Variants in PIEZO2 observed in about 807,000 individuals in gnomAD.
PIEZO2 encodes piezo-type mechanosensitive ion channel component 2.
A neutral mutation model predicts 337.3 loss-of-function variants in PIEZO2; 172 were observed. The observed-to-expected ratio is 0.51, with a 90% CI of 0.45 to 0.58. PIEZO2 has a LOEUF of 0.58. Ranked by LOEUF, PIEZO2 falls within the 20% of genes least tolerant of loss-of-function variation. The pLI is 0.00. For missense variants in PIEZO2, 3,028 were observed against 3,391.3 expected, an observed-to-expected ratio of 0.89 and a Z score of 2.66; for synonymous variants, 1,251 against 1,228.5, an observed-to-expected ratio of 1.02 and a Z score of -0.38.
chr18:10,803,730 A>G (rs1197448597), intron 9 of PIEZO2, 145 bp downstream of exon 9: 15 of 990,244 alleles, frequency 1.5e-5, no homozygotes, highest in East Asian at 5.9e-5. Flanking sequence ...CCTCTCTGGT[A>G]CTAACTCTCC....
chr18:11,098,861 G>A (rs1443735209), intron 1 of PIEZO2, among the ~76,000 whole-genome samples: 1 of 151,784 alleles, frequency 6.6e-6, no homozygotes, highest in Non-Finnish European at 1.5e-5. Context: ...GCATTGGTGC[G>A]ATCACAGCTT....
At chr18:10,702,255 T>A (rs1235987856) in intron 42 of PIEZO2, 84 bp from the exon 43 acceptor site, 9 of 1,315,814 alleles carry the variant, frequency 6.8e-6, no homozygotes, top group Non-Finnish European at 9.2e-6. Flanking sequence ...AATATAACAA[T>A]TAAGAAAGAG....
Position 10,672,949 on chromosome 18 carries a change from G to T in PIEZO2, c.8162-76C>A. Reference sequence around the variant, plus strand: ...CATGCACAGCAACAGTTTTCAGATGGCAAAATCTGGTTACTAACTATAGCA... The same window carrying T: ...CATGCACAGCAACAGTTTTCAGATGTCAAAATCTGGTTACTAACTATAGCA... On this transcript the variant is annotated intron_variant, in intron 54 of 55. Transcript: ENST00000674853. This position sits in a 1 kb window ranked among gnomAD's most constrained non-coding sequence, Gnocchi z 4.7. The T allele has an allele frequency of 8.3e-7, 1 of 1,200,392 alleles. No homozygotes were observed. The highest frequency in any genetic ancestry group is 1.2e-6 in the Non-Finnish European group (1 of 841,218). 74.4% of individuals were successfully genotyped at this position (1,200,392 alleles called of 1,614,324 possible). A position where few individuals can be genotyped will look rare whatever the true frequency, so the allele number is the denominator to read the frequency against.
At chr18:10,691,099 A>G (rs2034801556) in intron 48 of PIEZO2, 126 bp downstream of exon 48, 10 of 1,119,216 alleles carry the variant, frequency 8.9e-6, no homozygotes, top group Non-Finnish European at 1.0e-5. Flanking sequence ...CAACATCGTA[A>G]GAGTTCCACA....
Position 11,009,533 on chromosome 18 carries a change from C to T in PIEZO2, c.161-29873G>A, listed in dbSNP as rs1483111287. Reference sequence around the variant, plus strand: ...GAGCAGCGTATGAGAGTAGCAGCACCTTTCTTCTTATTAAACATTTAAGTA... The same window carrying T: ...GAGCAGCGTATGAGAGTAGCAGCACTTTTCTTCTTATTAAACATTTAAGTA... On this transcript the variant is annotated intron_variant, in intron 2 of 55. Coordinates refer to ENST00000674853, the MANE Select transcript of PIEZO2 (RefSeq NM_001378183.1). This position sits in a 1 kb window ranked among gnomAD's most constrained non-coding sequence, Gnocchi z 4.6. Among the ~76,000 whole-genome samples the T allele has an allele frequency of 6.6e-6, 1 of 152,180 alleles. No individual in the cohort carries two copies. Among genetic ancestry groups the T allele is most frequent in the East Asian group, 1.9e-4 (1 of 5,204 alleles).
At chr18:11,014,916 G>A (rs2036055248) in intron 2 of PIEZO2, among the ~76,000 whole-genome samples, 1 of 143,528 alleles carries the variant, frequency 7.0e-6, no homozygotes, top group Admixed American at 7.0e-5. Flanking sequence ...CCCTGGGTGG[G>A]ACAGCGATCC....
At chr18:10,749,060 AGGAGTATC>A (rs2037540901) in intron 29 of PIEZO2, among the ~76,000 whole-genome samples, 1 of 152,198 alleles carries the variant, frequency 6.6e-6, no homozygotes, top group African/African-American at 2.4e-5. Context: ...GCTTATTAGA[AGGAGTATC>A]AATAGTATGC....
At chr18:11,114,721 G>A (rs923353847) in intron 1 of PIEZO2, among the ~76,000 whole-genome samples, 2 of 151,842 alleles carry the variant, frequency 1.3e-5, no homozygotes, top group Non-Finnish European at 2.9e-5. Context: ...TGAAAAGAGA[G>A]CTAGTGCCAA....
At chr18:10,687,935 T>C (rs2034623718) in intron 49 of PIEZO2, among the ~76,000 whole-genome samples, 1 of 152,248 alleles carries the variant, frequency 6.6e-6, no homozygotes, top group Admixed American at 6.5e-5. Flanking sequence ...CCCACACTGC[T>C]GACCTACATA....
intron 21 of PIEZO2, among the ~76,000 whole-genome samples, chr18:10,765,404 T>C (rs571042117): frequency 3.9e-5 from 6 of 152,130 alleles, no homozygotes; most frequent in Non-Finnish European, 7.4e-5. Flanking sequence ...GTGGGCTGGA[T>C]CCCGGGGGTC....
chr18:10,675,195 T>G lies in PIEZO2; in HGVS notation c.8161+14A>C. The G allele has an allele frequency of 4.7e-6, 7 of 1,503,902 alleles. No individual in the cohort carries two copies. Among genetic ancestry groups the G allele is most frequent in the Non-Finnish European group, 6.3e-6 (7 of 1,102,376 alleles). 93.2% of individuals were successfully genotyped at this position (1,503,902 alleles called of 1,614,324 possible). A position where few individuals can be genotyped will look rare whatever the true frequency, so the allele number is the denominator to read the frequency against. On this transcript the variant is annotated intron_variant, in intron 54 of 55. Transcript: ENST00000674853. The stretch of plus-strand genomic sequence containing the variant: ...ATTGAAAACAATTCTGAAACAAATT[T>G]TTCTCATTCTTACCAGATAAAAGTT...
intron 7 of PIEZO2, among the ~76,000 whole-genome samples, chr18:10,814,573 G>T (rs894631247): frequency 2.6e-5 from 4 of 152,156 alleles, no homozygotes; most frequent in Admixed American, 2.6e-4. Context: ...TCAAAACACA[G>T]AAACCACACT....
chr18:10,810,818 A>C (rs1315412186), intron 7 of PIEZO2, among the ~76,000 whole-genome samples: 1 of 152,190 alleles, frequency 6.6e-6, no homozygotes, highest in African/African-American at 2.4e-5. Context: ...GCAGAGCTTC[A>C]TAGACTCTCT....
chr18:10,914,377 C>T (rs1040803451), intron 3 of PIEZO2, among the ~76,000 whole-genome samples: 2 of 151,820 alleles, frequency 1.3e-5, no homozygotes, highest in African/African-American at 4.8e-5. Context: ...GGAATTAATT[C>T]CAGGACCCCT....
chr18:10,883,813 C>CTTTTTT (rs755273725), intron 4 of PIEZO2, among the ~76,000 whole-genome samples: 1 of 54,862 alleles, frequency 1.8e-5, no homozygotes, highest in African/African-American at 9.3e-5. Flanking sequence ...ATGAGTCCTA[C>CTTTTTT]TTCTTTTTTT....
In PIEZO2 at chr18:10,731,479, G is replaced by A. The variant is rs1464223947; in HGVS notation, c.4957C>T (p.Arg1653Ter). 3.3e-6 allele frequency: 5 copies of A among 1,533,166 alleles called. No individual in the cohort carries two copies. Among genetic ancestry groups the A allele is most frequent in the South Asian group, 2.4e-5 (2 of 83,682 alleles). The allele number at this position is 1,533,166 out of a possible 1,614,324, so 95.0% of individuals were successfully genotyped here. ...CTTTTTTTCTCTTTGTGTCTTTGTC[G>A]GAGTGCTGTTTTAGGATCAGTAATC... ...AWITDPKTAL[R>*]QRHKEKKRSA... Residue 1653 changes from arginine (R) to a stop codon, truncating the protein, a stop_gained, in exon 36 of 56, where the codon CGA becomes TGA. Transcript: ENST00000674853. LOFTEE classifies it high-confidence loss of function.
chr18:10,875,832 A>G (rs1208973213), intron 4 of PIEZO2, among the ~76,000 whole-genome samples: 1 of 152,230 alleles, frequency 6.6e-6, no homozygotes, highest in Non-Finnish European at 1.5e-5. Context: ...GAGACATTTT[A>G]TAACACACAT....
chr18:10,791,484 T>G (rs1249669464), intron 13 of PIEZO2, 160 bp from the exon 14 acceptor site: 1 of 734,948 alleles, frequency 1.4e-6, no homozygotes, highest in African/African-American at 1.9e-5. Context: ...CAGCTGAGAT[T>G]CACTGCTTTT....
chr18:11,148,790 C>T lies in PIEZO2; in HGVS notation c.-202G>A. ...TTGGCCGCCCCTCGCCCACCGGGCT[C>T]TGGGTAGCCCCTCACCAGGCTCTTG... On this transcript the variant is annotated 5_prime_UTR_variant, in exon 1 of 56. Coordinates refer to ENST00000674853, the MANE Select transcript of PIEZO2 (RefSeq NM_001378183.1). The surrounding 1 kb of genome is among the most constrained non-coding windows in gnomAD (Gnocchi z 5.2). 1 of 517,620 alleles carries T rather than the reference C, an allele frequency of 1.9e-6. No homozygotes were observed. The highest frequency in any genetic ancestry group is 2.8e-5 in the South Asian group (1 of 35,312). 32.1% of individuals were successfully genotyped at this position (517,620 alleles called of 1,614,324 possible). A position where few individuals can be genotyped will look rare whatever the true frequency, so the allele number is the denominator to read the frequency against.
Sources: allele counts gnomAD v4.1 joint callset (sites outside exome capture counted in the v4.1 genomes callset), GRCh38; gene constraint gnomAD v4.1.1; non-coding constraint Gnocchi (gnomAD v3.1); transcripts MANE v1.5; gene names NCBI Gene and HGNC (gene_info 2026-07-23, HGNC 2026-07-21).